The following PHF2 variants were observed in gnomAD, a reference collection of about 807,000 sequenced individuals.
PHF2 encodes PHD finger protein 2, also known as lysine-specific demethylase PHF2.
In PHF2, 27 loss-of-function variants were observed where a neutral mutation model predicts 120.5. The observed-to-expected ratio is 0.22, with a 90% CI of 0.17 to 0.31. The LOEUF is 0.31. PHF2 is among the 10% of genes least tolerant of loss of function. The pLI, the probability that PHF2 is intolerant of heterozygous loss-of-function variation, is 1.00. For synonymous variants in PHF2, 568 were observed against 592.5 expected, an observed-to-expected ratio of 0.96 and a Z score of 0.60; for missense variants, 1,024 against 1,434.8, an observed-to-expected ratio of 0.71 and a Z score of 4.63.
chr9:93,620,046 C>T (rs1279506309), intron 1 of PHF2, among the ~76,000 whole-genome samples: 1 of 152,222 alleles, frequency 6.6e-6, no homozygotes, highest in African/African-American at 2.4e-5. Flanking sequence ...GCCCTGCTCT[C>T]CCTCGGACTC....
intron 1 of PHF2, among the ~76,000 whole-genome samples, chr9:93,607,392 C>T (rs1235771094): frequency 6.6e-6 from 1 of 151,830 alleles, no homozygotes; most frequent in African/African-American, 2.4e-5. Flanking sequence ...CCACCTCAGC[C>T]TCCCGAGTAG....
intron 3 of PHF2, among the ~76,000 whole-genome samples, chr9:93,642,404 C>T (rs1328702296): frequency 1.3e-5 from 2 of 152,194 alleles, no homozygotes; most frequent in Non-Finnish European, 2.9e-5. Context: ...GTTTGATTTC[C>T]TTCTTATAGA....
intron 1 of PHF2, among the ~76,000 whole-genome samples, chr9:93,618,056 C>T (rs1039317275): frequency 6.6e-6 from 1 of 152,222 alleles, no homozygotes; most frequent in Non-Finnish European, 1.5e-5. Context: ...ACTGCCACAC[C>T]CACTCACCTC....
At chr9:93,609,996 C>A (rs533970542) in intron 1 of PHF2, among the ~76,000 whole-genome samples, 1 of 152,110 alleles carries the variant, frequency 6.6e-6, no homozygotes, top group Non-Finnish European at 1.5e-5. Flanking sequence ...CGCCTGACCT[C>A]CCTGACTTTT....
Position 93,677,604 on chromosome 9 carries a change from G to A in PHF2, c.3219G>A (p.Lys1073=), listed in dbSNP as rs1171469929. 3 of 1,613,596 alleles carry A rather than the reference G, an allele frequency of 1.9e-6. No individual in the cohort carries two copies. Among genetic ancestry groups the A allele is most frequent in the Non-Finnish European group, 2.5e-6 (3 of 1,179,894 alleles). ...CTCCCCTAGGAAAACGTACGAAAAA[G>A]GGCATGGCGACCGCCAAGCAGAGGC... is the stretch of plus-strand genomic sequence containing the variant. The part of the protein sequence containing the change: ...NTAAKGKRTK[K]GMATAKQRLG... Residue 1073 remains lysine, a synonymous_variant, in exon 22 of 22, where the codon AAG becomes AAA. Transcript: ENST00000359246. The surrounding 1 kb of genome is among the most constrained non-coding windows in gnomAD (Gnocchi z 4.4).
intron 1 of PHF2, among the ~76,000 whole-genome samples, chr9:93,580,648 G>T (rs1862915075): frequency 6.6e-6 from 1 of 152,234 alleles, no homozygotes; most frequent in Non-Finnish European, 1.5e-5. Flanking sequence ...TGTTCTATTG[G>T]ACTGGAAGGG....
At chr9:93,671,248 G>A in intron 17 of PHF2, 3 of 938,670 alleles carry the variant, frequency 3.2e-6, no homozygotes, top group Non-Finnish European at 2.5e-6. Flanking sequence ...AGGCACAGGT[G>A]TAGATGCAGG....
chr9:93,589,483 C>T (rs1309205801), intron 1 of PHF2, among the ~76,000 whole-genome samples: 1 of 152,196 alleles, frequency 6.6e-6, no homozygotes, highest in East Asian at 1.9e-4. Flanking sequence ...GCCAGAGTGT[C>T]TCCAGAAATT....
chr9:93,666,962 TA>T, intron 16 of PHF2, 117 bp from the exon 17 acceptor site: 1 of 521,880 alleles, frequency 1.9e-6, no homozygotes, highest in Non-Finnish European at 3.0e-6. Flanking sequence ...ATAAAATAAA[TA>T]AAAATGTTAA....
At chr9:93,644,557 C>T (rs1308895066) in intron 3 of PHF2, among the ~76,000 whole-genome samples, 1 of 152,136 alleles carries the variant, frequency 6.6e-6, no homozygotes, top group Non-Finnish European at 1.5e-5. Context: ...GTGCACTCCT[C>T]CCCTCGGCCC....
chr9:93,611,226 A>C (rs1262937553), intron 1 of PHF2, among the ~76,000 whole-genome samples: 1 of 152,014 alleles, frequency 6.6e-6, no homozygotes. Flanking sequence ...GACCAGCCTG[A>C]CCGACATGGT....
intron 1 of PHF2, among the ~76,000 whole-genome samples, chr9:93,606,017 G>C (rs767655112): frequency 2.0e-5 from 3 of 151,396 alleles, no homozygotes; most frequent in Admixed American, 2.0e-4. Context: ...TCTGTTGCCC[G>C]GGCTGGAGTG....
chr9:93,645,403 C>G (rs1826239230), intron 3 of PHF2, among the ~76,000 whole-genome samples: 1 of 152,256 alleles, frequency 6.6e-6, no homozygotes, highest in African/African-American at 2.4e-5. Context: ...CGTGAGACCC[C>G]ATGTCCCTGC....
chr9:93,599,445 G>A (rs1365104714), intron 1 of PHF2, among the ~76,000 whole-genome samples: 1 of 152,194 alleles, frequency 6.6e-6, no homozygotes, highest in Non-Finnish European at 1.5e-5. Context: ...CCAGGCAGGG[G>A]GTTCCTGACA....
At chr9:93,606,016 C>T (rs539476791) in intron 1 of PHF2, among the ~76,000 whole-genome samples, 14 of 151,946 alleles carry the variant, frequency 9.2e-5, no homozygotes, top group African/African-American at 2.2e-4. Context: ...CTCTGTTGCC[C>T]GGGCTGGAGT....
Position 93,655,978 on chromosome 9 carries a change from G to A in PHF2, c.997G>A (p.Ala333Thr), listed in dbSNP as rs1327945626. The change falls in exon 8 of 22, where the codon GCG (alanine) becomes ACG (threonine). Residue 333 changes from alanine to threonine, a missense_variant. Physicochemically the swap from Ala to Thr is moderately conservative, Grantham distance 58. This residue lies in a region of PHF2 where 347 missense variants were observed against 577.4 expected (regional missense o/e 0.60). Coordinates refer to ENST00000359246, the MANE Select transcript of PHF2 (RefSeq NM_005392.4). ...CACCCCTGTGGACTGCCTGGCCTTCGCGGGACATTTCCTCCACAGCCTGAG... is the reference window on the plus strand; with the variant it reads ...CACCCCTGTGGACTGCCTGGCCTTCACGGGACATTTCCTCCACAGCCTGAG... Reference protein sequence around the residue: ...TLTPVDCLAFAGHFLHSLSVE... With the variant: ...TLTPVDCLAFTGHFLHSLSVE... 2 of 1,612,986 alleles carry A rather than the reference G, an allele frequency of 1.2e-6. No individual in the cohort carries two copies. The highest frequency in any genetic ancestry group is 1.3e-5 in the African/African-American group (1 of 75,050).
At chr9:93,662,650 G>A (rs1826595833) in intron 12 of PHF2, among the ~76,000 whole-genome samples, 1 of 151,880 alleles carries the variant, frequency 6.6e-6, no homozygotes, top group East Asian at 1.9e-4. Flanking sequence ...TGAATGAACG[G>A]GATGAATGAA....
chr9:93,653,212 A>C lies in PHF2; in HGVS notation c.636A>C (p.Val212=). 1 of 1,614,164 alleles carries C rather than the reference A, an allele frequency of 6.2e-7. No homozygotes were observed. Among genetic ancestry groups the C allele is most frequent in the Non-Finnish European group, 8.5e-7 (1 of 1,180,022 alleles). The change falls in exon 6 of 22, where the codon GTA becomes GTC. Residue 212 remains valine, a synonymous_variant. Transcript: ENST00000359246. ...GCTTCGTGGAGCCACCTGACATTGT[A>C]AAGAAACTGTCATGGGTAGAAAACT... ...MSSFVEPPDI[V]KKLSWVENYW...
intron 1 of PHF2, among the ~76,000 whole-genome samples, chr9:93,593,903 A>G (rs1825281466): frequency 6.6e-6 from 1 of 152,228 alleles, no homozygotes; most frequent in South Asian, 2.1e-4. Flanking sequence ...CCACTTTTGT[A>G]CTTTTCTGTA....
Sources: gnomAD v4.1 joint callset for allele counts (sites outside exome capture counted in the v4.1 genomes callset) on GRCh38, gnomAD v4.1.1 for gene constraint, gnomAD v4.1.1 regional missense constraint, Gnocchi (gnomAD v3.1) non-coding constraint, MANE v1.5 for transcripts, NCBI Gene and HGNC (gene_info 2026-07-23, HGNC 2026-07-21) for gene names.